BRI3BP: variants seen among roughly 807,000 people sequenced by gnomAD.
BRI3BP encodes BRI3-binding protein.
In BRI3BP, 7 loss-of-function variants were observed where a neutral mutation model predicts 15.8. That is an observed-to-expected ratio of 0.44 (90% CI 0.25 to 0.83). The LOEUF (loss-of-function observed/expected upper bound fraction) is 0.83, where lower values mean the gene tolerates loss of function less well. BRI3BP is among the 40% of genes least tolerant of loss of function. The pLI is 0.20. For missense variants in BRI3BP, 320 were observed against 339.3 expected (o/e 0.94, Z 0.45); for synonymous variants, 192 against 163.5 (o/e 1.17, Z -1.33).
chr12:125,050,925 G>A, the BRI3BP span, among the ~76,000 whole-genome samples: 7 of 152,196 alleles, frequency 4.6e-5, no homozygotes, highest in African/African-American at 1.4e-4. Flanking sequence ...TTCACCGTAT[G>A]TGCCAGCTAA....
chr12:124,997,300 C>G (rs895314315), intron 1 of BRI3BP, among the ~76,000 whole-genome samples: 3 of 136,588 alleles, frequency 2.2e-5, no homozygotes, highest in Non-Finnish European at 4.5e-5. Flanking sequence ...ACTGCAACCT[C>G]CGCCTCCCGG....
chr12:125,002,351 C>T (rs1401180378), intron 1 of BRI3BP, among the ~76,000 whole-genome samples: 4 of 152,130 alleles, frequency 2.6e-5, no homozygotes, highest in South Asian at 2.1e-4. Flanking sequence ...TTCCCCACAT[C>T]CTTGTCAGCA....
intron 2 of BRI3BP, among the ~76,000 whole-genome samples, chr12:125,022,518 ATTATTTAT>A (rs573464976): frequency 6.9e-6 from 1 of 144,378 alleles, no homozygotes; most frequent in East Asian, 2.0e-4. Flanking sequence ...TTGTTAATTT[ATTATTTAT>A]TTATTTATTT....
At chr12:125,014,642 G>A (rs1251408612) in intron 2 of BRI3BP, among the ~76,000 whole-genome samples, 1 of 152,084 alleles carries the variant, frequency 6.6e-6, no homozygotes, top group Non-Finnish European at 1.5e-5. Context: ...TGCTTGACAC[G>A]TGTCAAAATT....
At position 125,025,185 on chromosome 12, in the gene BRI3BP, G is replaced by C; in HGVS notation, c.511G>C (p.Val171Leu). The C allele has an allele frequency of 6.2e-7, 1 of 1,614,096 alleles. No individual in the cohort carries two copies. Reference sequence around the variant, plus strand: ...GGTCGTCCTGTTTTCCATGTCCTGCGTGTACATCCTGCACAAGTACGAGGG... The same window carrying C: ...GGTCGTCCTGTTTTCCATGTCCTGCCTGTACATCCTGCACAAGTACGAGGG... ...VRVVLFSMSC[V>L]YILHKYEGEP... Residue 171 changes from valine to leucine, a missense_variant, in exon 3 of 3, where the codon GTG becomes CTG. Coordinates refer to ENST00000341446, the MANE Select transcript of BRI3BP (RefSeq NM_080626.6).
chr12:125,047,330 A>G, the BRI3BP span, among the ~76,000 whole-genome samples: 3 of 151,968 alleles, frequency 2.0e-5, no homozygotes, highest in African/African-American at 4.8e-5. Flanking sequence ...TTGTATTTTT[A>G]GTACAAAAAT....
intron 2 of BRI3BP, among the ~76,000 whole-genome samples, chr12:125,020,319 G>C (rs1406532685): frequency 6.6e-6 from 1 of 152,170 alleles, no homozygotes; most frequent in African/African-American, 2.4e-5. Flanking sequence ...TGCAGGCTGT[G>C]GGGAGAGCCC....
downstream of BRI3BP, among the ~76,000 whole-genome samples, chr12:125,033,924 A>G (rs1955424003): frequency 6.6e-6 from 1 of 151,460 alleles, no homozygotes; most frequent in Non-Finnish European, 1.5e-5. Flanking sequence ...TGTATTTTTT[A>G]GTAGAGATGG....
chr12:125,022,537 A>ATTTTTTT (rs1391143992), intron 2 of BRI3BP, among the ~76,000 whole-genome samples: 6 of 70,610 alleles, frequency 8.5e-5, no homozygotes, highest in African/African-American at 3.9e-4. Context: ...TTATTTATTT[A>ATTTTTTT]TTTATTTTTT....
chr12:125,031,269 G>A (rs1446736659), downstream of BRI3BP: 2 of 152,090 alleles, frequency 1.3e-5, no homozygotes, highest in African/African-American at 4.8e-5. Flanking sequence ...GTGTAACCAG[G>A]ATTCTATGGT....
intron 1 of BRI3BP, among the ~76,000 whole-genome samples, chr12:124,997,540 C>T (rs1161924211): frequency 6.6e-6 from 1 of 151,994 alleles, no homozygotes; most frequent in African/African-American, 2.4e-5. Context: ...ATCTGTGTCC[C>T]ATTTGTTCAG....
intron 1 of BRI3BP, among the ~76,000 whole-genome samples, chr12:125,009,876 C>T (rs116736063): frequency 2.4e-3 from 360 of 151,854 alleles, no homozygotes; most frequent in African/African-American, 8.2e-3. Context: ...CCTAGGCAGG[C>T]GGGTCACTTG....
the BRI3BP span, among the ~76,000 whole-genome samples, chr12:125,048,567 G>C: frequency 6.6e-6 from 1 of 151,956 alleles, no homozygotes; most frequent in Non-Finnish European, 1.5e-5. Flanking sequence ...GGGGCAGGGG[G>C]GAGGGATAGC....
Position 124,993,770 on chromosome 12 carries a change from C to A in BRI3BP, c.-21C>A. On this transcript the variant is annotated 5_prime_UTR_variant, in exon 1 of 3. Transcript: ENST00000341446. ...CACGGCCCTCACCCCGCATCGCGAC[C>A]CCGCGCCCCGCCGGCCGAGCATGGG... 1 of 1,007,102 alleles carries A rather than the reference C, an allele frequency of 9.9e-7. No homozygotes were observed. Among genetic ancestry groups the A allele is most frequent in the Non-Finnish European group, 1.2e-6 (1 of 846,758 alleles). 62.4% of individuals were successfully genotyped at this position (1,007,102 alleles called of 1,614,324 possible). A position where few individuals can be genotyped will look rare whatever the true frequency, so the allele number is the denominator to read the frequency against.
the BRI3BP span, among the ~76,000 whole-genome samples, chr12:125,041,385 T>G: frequency 2.0e-5 from 3 of 152,134 alleles, no homozygotes; most frequent in Non-Finnish European, 4.4e-5. Context: ...CACTTACATA[T>G]TTTTTGGTTT....
intron 1 of BRI3BP, among the ~76,000 whole-genome samples, chr12:124,994,792 T>G (rs1955027203): frequency 1.3e-5 from 2 of 152,174 alleles, no homozygotes; most frequent in Admixed American, 6.5e-5. Flanking sequence ...TGCGGTTCCT[T>G]TGCTGTTCCC....
intron 2 of BRI3BP, among the ~76,000 whole-genome samples, chr12:125,022,541 A>ATTTATTTATTTATTTATTTATTTATTTTT: frequency 3.3e-4 from 46 of 139,426 alleles, no homozygotes; most frequent in African/African-American, 1.2e-3. Flanking sequence ...TTATTTATTT[A>ATTTATTTATTTATTTATTTATTTATTTTT]TTTTTTGAGA....
chr12:124,995,361 G>C (rs576835452), intron 1 of BRI3BP, among the ~76,000 whole-genome samples: 2 of 152,326 alleles, frequency 1.3e-5, no homozygotes, highest in South Asian at 4.1e-4. Context: ...ACTTCCTCTT[G>C]ATGCCGTTTC....
the BRI3BP span, among the ~76,000 whole-genome samples, chr12:125,036,610 T>G: frequency 1.3e-5 from 2 of 152,172 alleles, no homozygotes; most frequent in African/African-American, 4.8e-5. Flanking sequence ...GATTTAGTAC[T>G]CAACATCATG....
Sources: gnomAD v4.1 joint callset for allele counts (sites outside exome capture counted in the v4.1 genomes callset) on GRCh38, gnomAD v4.1.1 for gene constraint, MANE v1.5 for transcripts, NCBI Gene and HGNC (gene_info 2026-07-23, HGNC 2026-07-21) for gene names.